RYR3: variants seen among roughly 807,000 people sequenced by gnomAD.
The protein encoded by RYR3 is ryanodine receptor 3.
In RYR3, 207 loss-of-function variants were observed where a neutral mutation model predicts 584.3. The ratio of observed to expected loss-of-function variants is 0.35; its 90% confidence interval spans 0.32 to 0.40. The LOEUF (loss-of-function observed/expected upper bound fraction) is 0.40. Among genes scored for constraint, RYR3 ranks in the 10% least tolerant of loss-of-function variants. The pLI, the probability that RYR3 is intolerant of heterozygous loss-of-function variation, is 1.00. For missense variants in RYR3, 5,616 were observed against 6,089.2 expected, an observed-to-expected ratio of 0.92 and a Z score of 2.59; for synonymous variants, 2,416 against 2,248.5, an observed-to-expected ratio of 1.07 and a Z score of -2.11.
At chr15:33,737,862 A>C (rs1001902745) in intron 49 of RYR3, among the ~76,000 whole-genome samples, 1 of 152,162 alleles carries the variant, frequency 6.6e-6, no homozygotes, top group African/African-American at 2.4e-5. Context: ...GCTGGGATGG[A>C]AACATTACTG....
chr15:33,679,563 G>A (rs150389017), intron 38 of RYR3, among the ~76,000 whole-genome samples: 44 of 152,268 alleles, frequency 2.9e-4, no homozygotes, highest in Non-Finnish European at 5.6e-4. Context: ...CCATGGGTCA[G>A]ATAGAAATAG....
chr15:33,818,764 C>T lies in RYR3; in HGVS notation c.10706+80C>T, dbSNP rs2076955019. 4.0e-6 allele frequency: 4 copies of T among 997,370 alleles called. No individual in the cohort carries two copies. In the South Asian group the frequency reaches 4.4e-5, roughly 11 times the overall value. The allele number at this position is 997,370 out of a possible 1,614,324, so 61.8% of individuals were successfully genotyped here. On this transcript the variant is annotated intron_variant, in intron 76 of 103. Coordinates refer to ENST00000634891, the MANE Select transcript of RYR3 (RefSeq NM_001036.6). ...CTCCTGACCTTCTTCTCTCAGACGG[C>T]AGTGGGTGGAAAAGGGAAGCTAGAT...
At chr15:33,326,224 AC>A (rs1372157724) in intron 1 of RYR3, among the ~76,000 whole-genome samples, 2 of 152,192 alleles carry the variant, frequency 1.3e-5, no homozygotes, top group African/African-American at 4.8e-5. Context: ...ATAGGAAAAG[AC>A]CCCTGGCAAT....
chr15:33,507,064 G>A (rs928879412), intron 3 of RYR3, among the ~76,000 whole-genome samples: 2 of 152,156 alleles, frequency 1.3e-5, no homozygotes, highest in African/African-American at 4.8e-5. Flanking sequence ...CCAAATGGGA[G>A]GCTTTGAAGA....
chr15:33,446,031 T>G (rs1434462017), intron 1 of RYR3, among the ~76,000 whole-genome samples: 1 of 152,166 alleles, frequency 6.6e-6, no homozygotes, highest in East Asian at 1.9e-4. Context: ...CAGATTTGAT[T>G]AGAGTCCTGA....
chr15:33,555,832 C>T (rs7174065), intron 10 of RYR3, among the ~76,000 whole-genome samples: 19,464 of 152,128 alleles, frequency 0.13, 3,866 homozygotes, highest in African/African-American at 0.43. Context: ...GAATCTGCTT[C>T]CCAGCATGTA....
At chr15:33,315,330 C>T (rs1402262559) in intron 1 of RYR3, among the ~76,000 whole-genome samples, 1 of 152,152 alleles carries the variant, frequency 6.6e-6, no homozygotes, top group Non-Finnish European at 1.5e-5. Context: ...ATAACAGCTG[C>T]ATGAAGCCTG....
Position 33,837,687 on chromosome 15 carries a change from T to C in RYR3, c.11707T>C (p.Ser3903Pro). The C allele has an allele frequency of 5.0e-6, 8 of 1,607,200 alleles. No individual in the cohort carries two copies. Among genetic ancestry groups the C allele is most frequent in the Non-Finnish European group, 6.0e-6 (7 of 1,176,328 alleles). ...KQMVDTLVES[S>P]TNVEMILKFF... ...GATGGTTGACACACTGGTAGAATCA[T>C]CTACCAATGTAGAAATGATCTTGAA... Residue 3903 changes from serine (S) to proline (P), a missense_variant, in exon 89 of 104, where the codon TCT (serine) becomes CCT (proline). Ser to Pro is a moderately conservative substitution (Grantham distance 74, BLOSUM62 -1). Transcript: ENST00000634891.
At position 33,841,922 on chromosome 15, in the gene RYR3, T is replaced by C; in HGVS notation, c.13096T>C (p.Trp4366Arg). 7 of 1,598,080 alleles carry C rather than the reference T, an allele frequency of 4.4e-6. No individual in the cohort carries two copies. Among genetic ancestry groups the C allele is most frequent in the Non-Finnish European group, 6.0e-6 (7 of 1,172,310 alleles). Reference protein sequence around the residue: ...DKEEEQAEYLWTEVTKKKKRR... With the variant: ...DKEEEQAEYLRTEVTKKKKRR... Reference sequence around the variant, plus strand: ...AGAAGAGGAGCAAGCTGAGTACCTGTGGACAGAAGTGACAAAAAAGAAGAA... The same window carrying C: ...AGAAGAGGAGCAAGCTGAGTACCTGCGGACAGAAGTGACAAAAAAGAAGAA... The change falls in exon 91 of 104, where the codon TGG becomes CGG. Residue 4366 changes from tryptophan (W) to arginine (R), a missense_variant. Physicochemically the swap from Trp to Arg is moderately radical, Grantham distance 101 (BLOSUM62 -3). Around this residue, in one of 9 missense-constraint regions of RYR3, gnomAD observed 918 missense variants for 887.4 expected, o/e 1.03. Coordinates refer to ENST00000634891, the MANE Select transcript of RYR3 (RefSeq NM_001036.6).
chr15:33,418,674 C>G (rs1420686564), intron 1 of RYR3, among the ~76,000 whole-genome samples: 1 of 152,010 alleles, frequency 6.6e-6, no homozygotes, highest in Non-Finnish European at 1.5e-5. Flanking sequence ...CAACTACCCC[C>G]TGGAAGCAGT....
At chr15:33,501,149 T>C (rs908943396) in intron 2 of RYR3, among the ~76,000 whole-genome samples, 3 of 152,176 alleles carry the variant, frequency 2.0e-5, no homozygotes, top group Non-Finnish European at 4.4e-5. Flanking sequence ...TGTTTAAATA[T>C]ACCCATTCAA....
chr15:33,604,994 A>G (rs901342437), intron 18 of RYR3, among the ~76,000 whole-genome samples: 1 of 152,172 alleles, frequency 6.6e-6, no homozygotes, highest in African/African-American at 2.4e-5. Flanking sequence ...ACTCGCCACC[A>G]TAGCCCAAGA....
intron 43 of RYR3, among the ~76,000 whole-genome samples, chr15:33,707,897 C>A (rs1281461876): frequency 6.6e-6 from 1 of 152,102 alleles, no homozygotes; most frequent in Non-Finnish European, 1.5e-5. Flanking sequence ...TGTCTCTCTA[C>A]CCTCCCATTT....
At chr15:33,385,112 T>C (rs769095971) in intron 1 of RYR3, among the ~76,000 whole-genome samples, 21 of 152,226 alleles carry the variant, frequency 1.4e-4, no homozygotes, top group Non-Finnish European at 2.6e-4. Flanking sequence ...GCTTTTTCCT[T>C]ATTCCTCTAC....
At chr15:33,806,483 T>C (rs1192215914) in intron 69 of RYR3, among the ~76,000 whole-genome samples, 1 of 150,908 alleles carries the variant, frequency 6.6e-6, no homozygotes, top group Non-Finnish European at 1.5e-5. Context: ...CGAAACCCTG[T>C]CTCTTAAGAA....
intron 1 of RYR3, among the ~76,000 whole-genome samples, chr15:33,349,304 T>G (rs892805855): frequency 2.0e-5 from 3 of 152,234 alleles, no homozygotes; most frequent in Admixed American, 2.0e-4. Context: ...CCTAGGAGCG[T>G]GAATGCTAGA....
Position 33,865,301 on chromosome 15 carries a change from C to T in RYR3, c.*75C>T. The T allele has an allele frequency of 2.7e-5, 26 of 978,320 alleles. No individual in the cohort carries two copies. In the South Asian group the frequency reaches 2.7e-4, roughly 10 times the overall value. The allele number at this position is 978,320 out of a possible 1,614,324, so 60.6% of individuals were successfully genotyped here. ...ATAAAGTCCCCTTTTTACAGTTCTG[C>T]AACATATCTGAAATGTGACATTTTC... On this transcript the variant is annotated 3_prime_UTR_variant, in exon 104 of 104. Coordinates refer to ENST00000634891, the MANE Select transcript of RYR3 (RefSeq NM_001036.6).
chr15:33,631,018 T>C (rs912717724), intron 22 of RYR3, among the ~76,000 whole-genome samples, 192 bp from the exon 23 acceptor site: 2 of 152,126 alleles, frequency 1.3e-5, no homozygotes, highest in African/African-American at 4.8e-5. Context: ...AATCACAGAG[T>C]TGTAGCTGTG....
At chr15:33,325,226 C>T (rs1224301039) in intron 1 of RYR3, among the ~76,000 whole-genome samples, 3 of 152,122 alleles carry the variant, frequency 2.0e-5, no homozygotes, top group Non-Finnish European at 4.4e-5. Flanking sequence ...TAGTCTGTAC[C>T]AGATACAAAC....
Sources: allele counts gnomAD v4.1 joint callset (sites outside exome capture counted in the v4.1 genomes callset), GRCh38; gene constraint gnomAD v4.1.1; regional missense constraint gnomAD v4.1.1; transcripts MANE v1.5; gene names NCBI Gene and HGNC (gene_info 2026-07-23, HGNC 2026-07-21).